Variants in TFIP11 observed in about 807,000 individuals in gnomAD.
TFIP11 encodes tuftelin interacting protein 11.
In TFIP11, 86 loss-of-function variants were observed where a neutral mutation model predicts 96.8. The ratio of observed to expected loss-of-function variants is 0.89; its 90% confidence interval spans 0.75 to 1.06. The LOEUF (loss-of-function observed/expected upper bound fraction) is 1.06. Among genes scored for constraint, TFIP11 ranks in the 50% least tolerant of loss-of-function variants. The probability of loss-of-function intolerance (pLI) is 0.00; values close to 1 mark genes in which losing one functional copy is unlikely to be tolerated. For synonymous variants in TFIP11, 405 were observed against 395.2 expected (o/e 1.02, Z -0.29); for missense variants, 881 against 1,076.7 (o/e 0.82, Z 2.54).
chr22:26,505,696 C>CTATTTATTTATT (rs67577358), intron 6 of TFIP11, among the ~76,000 whole-genome samples: 3 of 143,192 alleles, frequency 2.1e-5, no homozygotes, highest in South Asian at 2.3e-4. Context: ...TTTATTTATT[C>CTATTTATTTATT]TATTTATTTA....
chr22:26,500,271 G>C (rs1922612704), intron 8 of TFIP11, among the ~76,000 whole-genome samples: 1 of 152,132 alleles, frequency 6.6e-6, no homozygotes. Context: ...CTGGGTTTAA[G>C]CCATTCTCCT....
Position 26,491,969 on chromosome 22 carries a change from C to T in TFIP11, c.*44G>A. 6.6e-7 allele frequency: 1 copy of T among 1,518,812 alleles called. No individual in the cohort carries two copies. The highest frequency in any genetic ancestry group is 1.2e-5 in the South Asian group (1 of 82,910). 94.1% of individuals were successfully genotyped at this position (1,518,812 alleles called of 1,614,324 possible). A position where few individuals can be genotyped will look rare whatever the true frequency, so the allele number is the denominator to read the frequency against. ...AAATACTGTTTATTTACAGTACATC[C>T]CTCTTAGGGGCAAGTCTCTGACTGG... On this transcript the variant is annotated 3_prime_UTR_variant, in exon 15 of 15. Coordinates refer to ENST00000407690, the MANE Select transcript of TFIP11 (RefSeq NM_012143.4).
intron 4 of TFIP11, among the ~76,000 whole-genome samples, chr22:26,509,848 C>T (rs963949053): frequency 7.2e-5 from 11 of 151,758 alleles, no homozygotes; most frequent in Admixed American, 3.9e-4. Context: ...AAAGTGAAAC[C>T]GTGTCTCAAA....
At chr22:26,494,427 T>C in intron 13 of TFIP11, 123 bp from the exon 14 acceptor site, 1 of 1,162,102 alleles carries the variant, frequency 8.6e-7, no homozygotes. Flanking sequence ...TTACAGGGAT[T>C]TATAGTAGCT....
At chr22:26,506,066 A>G in intron 6 of TFIP11, 1 of 380,362 alleles carries the variant, frequency 2.6e-6, no homozygotes, top group Non-Finnish European at 4.6e-6. Context: ...GCCTGTTTTC[A>G]ACCTGTTTGC....
Position 26,492,611 on chromosome 22 carries a change from G to A in TFIP11, c.2159-243C>T, listed in dbSNP as rs1303837916. ...TTATTAATATTCAACATTTTAAAAT[G>A]AAGTATCTGCAAGGGATTTCTTCCT... is the stretch of plus-strand genomic sequence containing the variant. On this transcript the variant is annotated intron_variant, in intron 14 of 14. Coordinates refer to ENST00000407690, the MANE Select transcript of TFIP11 (RefSeq NM_012143.4). 7.9e-6 allele frequency: 4 copies of A among 507,614 alleles called. No homozygotes were observed. The East Asian group carries it at 1.4e-4, about 18-fold the overall frequency. 31.4% of individuals were successfully genotyped at this position (507,614 alleles called of 1,614,324 possible). A position where few individuals can be genotyped will look rare whatever the true frequency, so the allele number is the denominator to read the frequency against.
intron 6 of TFIP11, 93 bp from the exon 7 acceptor site, chr22:26,503,886 T>C (rs1923104099): frequency 6.6e-7 from 1 of 1,512,596 alleles, no homozygotes; most frequent in East Asian, 2.3e-5. Flanking sequence ...AGTTTCTTGC[T>C]CCTTCCACAA....
At chr22:26,506,972 CT>C in intron 4 of TFIP11, 44 bp from the exon 5 acceptor site, 1 of 1,597,714 alleles carries the variant, frequency 6.3e-7, no homozygotes, top group Non-Finnish European at 8.6e-7. Flanking sequence ...GTAAAGAACT[CT>C]TTTCTCTGCA....
intron 6 of TFIP11, among the ~76,000 whole-genome samples, chr22:26,505,265 G>A (rs907012940): frequency 6.6e-6 from 1 of 152,090 alleles, no homozygotes; most frequent in African/African-American, 2.4e-5. Context: ...GTGTGACAGG[G>A]GCTGTGTCTC....
At chr22:26,500,574 G>A (rs1334047347) in intron 8 of TFIP11, among the ~76,000 whole-genome samples, 2 of 152,138 alleles carry the variant, frequency 1.3e-5, no homozygotes, top group Middle Eastern at 3.4e-3. Context: ...ATGTGAATAC[G>A]GACTACACTT....
chr22:26,505,372 A>G (rs1251731469), intron 6 of TFIP11, among the ~76,000 whole-genome samples: 1 of 152,156 alleles, frequency 6.6e-6, no homozygotes, highest in East Asian at 1.9e-4. Context: ...TTATAGCCAT[A>G]TGGCTCTAGC....
chr22:26,506,284 G>A lies in TFIP11; in HGVS notation c.520+19C>T, dbSNP rs745724402. 7 of 1,574,450 alleles carry A rather than the reference G, an allele frequency of 4.4e-6. No individual in the cohort carries two copies. The South Asian group carries it at 8.2e-5, about 19-fold the overall frequency. Reference sequence around the variant, plus strand: ...ATGCCTGCCCTCCTCCATCATGCAAGACGACAAAGGTGCAATACCTTGTGC... The same window carrying A: ...ATGCCTGCCCTCCTCCATCATGCAAAACGACAAAGGTGCAATACCTTGTGC... On this transcript the variant is annotated intron_variant, in intron 6 of 14. Transcript: ENST00000407690.
chr22:26,506,615 G>C, intron 5 of TFIP11, 156 bp from the exon 6 acceptor site: 4 of 1,268,682 alleles, frequency 3.2e-6, no homozygotes, highest in Non-Finnish European at 4.4e-6. Context: ...CAGGAAGGAA[G>C]AGACTGCACT....
At chr22:26,506,534 A>G (rs1049023085) in intron 5 of TFIP11, 75 bp from the exon 6 acceptor site, 1 of 1,527,360 alleles carries the variant, frequency 6.5e-7, no homozygotes, top group Non-Finnish European at 8.8e-7. Flanking sequence ...CTTGGCCAAC[A>G]GGAAAATGGC....
rs1232140266 is a variant in TFIP11, at chr22:26,506,930, T to C, written c.210-2A>G. ...ACTGGCGCAGAGTAGTCACGGGCCC[T>C]GTAGGCACAGAAACAAAGCCCCACC... On this transcript the variant is annotated splice_acceptor_variant, in intron 4 of 14. Transcript: ENST00000407690. LOFTEE classifies it high-confidence loss of function. The C allele has an allele frequency of 3.1e-6, 5 of 1,613,346 alleles. No homozygotes were observed. Among genetic ancestry groups the C allele is most frequent in the African/African-American group, 1.3e-5 (1 of 74,896 alleles).
At position 26,502,037 on chromosome 22, in the gene TFIP11, G is replaced by C. The variant is rs774362810; in HGVS notation, c.664C>G (p.Leu222Val). 6 of 1,613,976 alleles carry C rather than the reference G, an allele frequency of 3.7e-6. No individual in the cohort carries two copies. Among genetic ancestry groups the C allele is most frequent in the Non-Finnish European group, 5.1e-6 (6 of 1,180,010 alleles). The change falls in exon 8 of 15, where the codon CTG becomes GTG. Residue 222 changes from leucine (L) to valine (V), a missense_variant. By Grantham distance (32) the Leu-to-Val change is conservative. Coordinates refer to ENST00000407690, the MANE Select transcript of TFIP11 (RefSeq NM_012143.4). ...EEAEEEFQKE[L>V]SQWRKDPSGS... The stretch of plus-strand genomic sequence containing the variant: ...CTTGGGTCTTTCCTCCACTGGCTCA[G>C]CTCCTTCTGAAACTCCTGAACCAGA...
rs1465897925 is a variant in TFIP11 at position 26,496,233 on chromosome 22, C to T, written c.1689G>A (p.Leu563=). The T allele has an allele frequency of 3.1e-6, 5 of 1,613,914 alleles. No individual in the cohort carries two copies. Among genetic ancestry groups the T allele is most frequent in the East Asian group, 4.5e-5 (2 of 44,864 alleles). ...TACGGATGGGGGAATAGAGTGGCTCCAGCCGTGCCTGCATAAGGGGCAGCC... is the reference window on the plus strand; with the variant it reads ...TACGGATGGGGGAATAGAGTGGCTCTAGCCGTGCCTGCATAAGGGGCAGCC... ...HPWLPLMQAR[L]EPLYSPIRSK... is the part of the protein sequence containing the mutation. Residue 563 remains leucine (L), a synonymous_variant, in exon 12 of 15, where the codon CTG becomes CTA. Transcript: ENST00000407690.
At position 26,491,909 on chromosome 22, in the gene TFIP11, T is replaced by G. The variant is rs1352278427; in HGVS notation, c.*104A>C. ...ACCTGGCCTGATGTGGAGTAGCTCC[T>G]GAGTAAAGAAGTTACCCTTTTGAAG... is the stretch of plus-strand genomic sequence containing the variant. On this transcript the variant is annotated 3_prime_UTR_variant, in exon 15 of 15. Coordinates refer to ENST00000407690, the MANE Select transcript of TFIP11 (RefSeq NM_012143.4). 3 of 1,203,238 alleles carry G rather than the reference T, an allele frequency of 2.5e-6. No homozygotes were observed. In the African/African-American group the frequency reaches 4.6e-5, roughly 18 times the overall value. The allele number at this position is 1,203,238 out of a possible 1,614,324, so 74.5% of individuals were successfully genotyped here. A position where few individuals can be genotyped will look rare whatever the true frequency, so the allele number is the denominator to read the frequency against.
In TFIP11 at chr22:26,496,155, C is replaced by A; in HGVS notation, c.1767G>T (p.Lys589Asn). 6.2e-7 allele frequency: 1 copy of A among 1,613,880 alleles called. No homozygotes were observed. Among genetic ancestry groups the A allele is most frequent in the South Asian group, 1.1e-5 (1 of 91,060 alleles). The change falls in exon 12 of 15, where the codon AAG (lysine) becomes AAT (asparagine). Residue 589 changes from lysine (K) to asparagine (N), a missense_variant. By Grantham distance (94) the Lys-to-Asn change is moderately conservative (BLOSUM62 0). Transcript: ENST00000407690. ...CATCCTTCCAGGGCTGGAGGATGAG[C>A]TTGGCAGAGGAGTCGCTGGGGTGCC... ...QKWHPSDSSA[K>N]LILQPWKDVF...
Sources: gnomAD v4.1 joint callset for allele counts (sites outside exome capture counted in the v4.1 genomes callset) on GRCh38, gnomAD v4.1.1 for gene constraint, MANE v1.5 for transcripts, NCBI Gene and HGNC (gene_info 2026-07-23, HGNC 2026-07-21) for gene names.